Variants in H3Y1 observed in about 807,000 individuals in gnomAD.
H3Y1 encodes histone H3.Y.
A neutral mutation model predicts 0.5 loss-of-function variants in H3Y1; 1 was observed. The ratio of observed to expected loss-of-function variants is 2.08; its 90% CI spans 0.74 to 9.87. H3Y1 has a LOEUF of 9.87. H3Y1 is among the 30% of genes most tolerant of loss of function. H3Y1 has a pLI of 0.13. For synonymous variants in H3Y1, 9 were observed against 5.0 expected, an observed-to-expected ratio of 1.80 and a Z score of -1.07; for missense variants, 35 against 11.5, an observed-to-expected ratio of 3.05 and a Z score of -2.96.
chr5:17,655,382 T>G lies in H3Y1; in HGVS notation c.157A>C (p.Arg53=). The G allele has an allele frequency of 2.4e-6, 1 of 411,480 alleles. No homozygotes were observed. The highest frequency in any genetic ancestry group is 4.3e-6 in the Non-Finnish European group (1 of 231,588). 25.5% of individuals were successfully genotyped at this position (411,480 alleles called of 1,614,324 possible). A position where few individuals can be genotyped will look rare whatever the true frequency, so the allele number is the denominator to read the frequency against. The change falls in exon 1 of 1, where the codon AGA becomes CGA. Residue 53 remains arginine, a synonymous_variant. Transcript: ENST00000598383. ...KPGTLALREI[R]KYQKSTQLLL... Reference sequence around the variant, plus strand: ...AGCTGCGTGGACTTCTGGTACTTTCTGATTTCCCGCAGCGCCAGGGTGCCA... The same window carrying G: ...AGCTGCGTGGACTTCTGGTACTTTCGGATTTCCCGCAGCGCCAGGGTGCCA...
rs1332150814 is a variant in H3Y1, at chr5:17,655,325, C to T, written c.214G>A (p.Val72Met). 3 of 453,998 alleles carry T rather than the reference C, an allele frequency of 6.6e-6. No individual in the cohort carries two copies. Among genetic ancestry groups the T allele is most frequent in the Admixed American group, 4.1e-5 (1 of 24,202 alleles). The allele number at this position is 453,998 out of a possible 1,614,324, so 28.1% of individuals were successfully genotyped here. Residue 72 changes from valine to methionine, a missense_variant, in exon 1 of 1, where the codon GTG (valine) becomes ATG (methionine). Coordinates refer to ENST00000598383, the MANE Select transcript of H3Y1 (RefSeq NM_001355258.2). ...LLRKLPFQRLVREIAQAISPD... is the reference protein window; with the variant it reads ...LLRKLPFQRLMREIAQAISPD... Reference sequence around the variant, plus strand: ...CTGATGGCCTGGGCGATCTCGCGCACCAGGCGCTGGAAGGGCAGCTTGCGC... The same window carrying T: ...CTGATGGCCTGGGCGATCTCGCGCATCAGGCGCTGGAAGGGCAGCTTGCGC...
In H3Y1 at chr5:17,655,639, T is replaced by C. The variant is rs573570110; in HGVS notation, c.-101A>G. 5.0e-6 allele frequency: 2 copies of C among 399,060 alleles called. No homozygotes were observed. Among genetic ancestry groups the C allele is most frequent in the Non-Finnish European group, 8.8e-6 (2 of 226,912 alleles). 24.7% of individuals were successfully genotyped at this position (399,060 alleles called of 1,614,324 possible). On this transcript the variant is annotated 5_prime_UTR_variant, in exon 1 of 1. Transcript: ENST00000598383. ...GAGGGCAGTGGTGCTGTGGACAGGA[T>C]TCAGAGAGCCTGTGAGTTGAGATCC...
rs185604528 is a variant in H3Y1, at chr5:17,655,617, G to C, written c.-79C>G. 2.8e-3 allele frequency: 1,127 copies of C among 401,234 alleles called. 8 individuals carry two copies. The highest frequency in any genetic ancestry group is 3.8e-3 in the Non-Finnish European group (863 of 228,370). The allele number at this position is 401,234 out of a possible 1,614,324, so 24.9% of individuals were successfully genotyped here. On this transcript the variant is annotated 5_prime_UTR_variant, in exon 1 of 1. Transcript: ENST00000598383. ...GGCGGTGCTGGCGTCAGAGAGCGAG[G>C]GCAGTGGTGCTGTGGACAGGATTCA...
rs945198067 is a variant in H3Y1, at chr5:17,655,687, C to A, written c.-149G>T. 1 of 397,644 alleles carries A rather than the reference C, an allele frequency of 2.5e-6. No homozygotes were observed. The highest frequency in any genetic ancestry group is 4.4e-6 in the Non-Finnish European group (1 of 226,158). The allele number at this position is 397,644 out of a possible 1,614,324, so 24.6% of individuals were successfully genotyped here. ...TCCATGCGCATGACTCTCCCACACACTTAGCCCCTGCCAACCCAGCCCCAC... is the reference window on the plus strand; with the variant it reads ...TCCATGCGCATGACTCTCCCACACAATTAGCCCCTGCCAACCCAGCCCCAC... On this transcript the variant is annotated 5_prime_UTR_variant, in exon 1 of 1. Coordinates refer to ENST00000598383, the MANE Select transcript of H3Y1 (RefSeq NM_001355258.2).
Position 17,655,772 on chromosome 5 carries a change from C to A in H3Y1, c.-234G>T. 2.6e-6 allele frequency: 1 copy of A among 391,334 alleles called. No homozygotes were observed. The highest frequency in any genetic ancestry group is 4.5e-6 in the Non-Finnish European group (1 of 222,378). 24.2% of individuals were successfully genotyped at this position (391,334 alleles called of 1,614,324 possible). On this transcript the variant is annotated 5_prime_UTR_variant, in exon 1 of 1. Transcript: ENST00000598383. ...GCGCTGCTTAGTCTTTCCGGAGGGT[C>A]CTGGGTTTCCTTGGTCTACAAAGCA...
At position 17,655,639 on chromosome 5, in the gene H3Y1, T is replaced by G. The variant is rs573570110; in HGVS notation, c.-101A>C. The G allele has an allele frequency of 2.5e-6, 1 of 399,060 alleles. No individual in the cohort carries two copies. Among genetic ancestry groups the G allele is most frequent in the Non-Finnish European group, 4.4e-6 (1 of 226,912 alleles). 24.7% of individuals were successfully genotyped at this position (399,060 alleles called of 1,614,324 possible). On this transcript the variant is annotated 5_prime_UTR_variant, in exon 1 of 1. Coordinates refer to ENST00000598383, the MANE Select transcript of H3Y1 (RefSeq NM_001355258.2). ...GAGGGCAGTGGTGCTGTGGACAGGA[T>G]TCAGAGAGCCTGTGAGTTGAGATCC...
In H3Y1 at chr5:17,655,271, T is replaced by C. The variant is rs1360955502; in HGVS notation, c.268A>G (p.Ile90Val). The change falls in exon 1 of 1, where the codon ATT becomes GTT. Residue 90 changes from isoleucine to valine, a missense_variant. Physicochemically the swap from Ile to Val is conservative, Grantham distance 29. Transcript: ENST00000598383. ...TCGCTGGCCTCCTGCAGGGCGCCAA[T>C]GGCCGCACTCTGGAAGCGCAGGTCC... is the stretch of plus-strand genomic sequence containing the variant. ...SPDLRFQSAA[I>V]GALQEASEAY... 1.9e-5 allele frequency: 9 copies of C among 472,218 alleles called. No individual in the cohort carries two copies. The highest frequency in any genetic ancestry group is 3.4e-5 in the Non-Finnish European group (9 of 263,718). The allele number at this position is 472,218 out of a possible 1,614,324, so 29.3% of individuals were successfully genotyped here.
rs1740166681 is a variant in H3Y1 at position 17,655,172 on chromosome 5, G to A, written c.367C>T (p.Arg123Ter). 2 of 436,248 alleles carry A rather than the reference G, an allele frequency of 4.6e-6. No homozygotes were observed. The highest frequency in any genetic ancestry group is 7.0e-5 in the East Asian group (2 of 28,664). The allele number at this position is 436,248 out of a possible 1,614,324, so 27.0% of individuals were successfully genotyped here. A position where few individuals can be genotyped will look rare whatever the true frequency, so the allele number is the denominator to read the frequency against. ...AGGCGGCGGGCCAGCTGCATGTCTC[G>A]GGGCATAATTGTGACGCGCCTGGCA... is the stretch of plus-strand genomic sequence containing the variant. ...IHARRVTIMP[R>*]DMQLARRLRR... Residue 123 changes from arginine (R) to a stop codon, truncating the protein, a stop_gained, in exon 1 of 1, where the codon CGA becomes TGA. Transcript: ENST00000598383. LOFTEE classifies it high-confidence loss of function.
rs1203146764 is a variant in H3Y1, at chr5:17,655,101, A to G, written c.*27T>C. ...TGATTTCTGCCTGTTTCCACTCCCAATCCTATGCTTAGCTACCTTTGGGCT... is the reference window on the plus strand; with the variant it reads ...TGATTTCTGCCTGTTTCCACTCCCAGTCCTATGCTTAGCTACCTTTGGGCT... On this transcript the variant is annotated 3_prime_UTR_variant, in exon 1 of 1. Coordinates refer to ENST00000598383, the MANE Select transcript of H3Y1 (RefSeq NM_001355258.2). 2 of 404,006 alleles carry G rather than the reference A, an allele frequency of 5.0e-6. No homozygotes were observed. Among genetic ancestry groups the G allele is most frequent in the South Asian group, 1.2e-4 (1 of 8,638 alleles). 25.0% of individuals were successfully genotyped at this position (404,006 alleles called of 1,614,324 possible). A position where few individuals can be genotyped will look rare whatever the true frequency, so the allele number is the denominator to read the frequency against.
At position 17,655,347 on chromosome 5, in the gene H3Y1, G is replaced by C. The variant is rs532961670; in HGVS notation, c.192C>G (p.Arg64=). 598 of 438,502 alleles carry C rather than the reference G, an allele frequency of 1.4e-3. 13 individuals carry two copies. Among genetic ancestry groups the C allele is most frequent in the African/African-American group, 0.011 (537 of 49,050 alleles). 27.2% of individuals were successfully genotyped at this position (438,502 alleles called of 1,614,324 possible). A position where few individuals can be genotyped will look rare whatever the true frequency, so the allele number is the denominator to read the frequency against. ...KYQKSTQLLL[R]KLPFQRLVRE... The stretch of plus-strand genomic sequence containing the variant: ...GCACCAGGCGCTGGAAGGGCAGCTT[G>C]CGCAGGAGCAGCTGCGTGGACTTCT... Residue 64 remains arginine, a synonymous_variant, in exon 1 of 1, where the codon CGC becomes CGG. Transcript: ENST00000598383.
rs1740177275 is a variant in H3Y1 at position 17,655,583 on chromosome 5, C to T, written c.-45G>A. The T allele has an allele frequency of 2.5e-6, 1 of 400,818 alleles. No homozygotes were observed. The highest frequency in any genetic ancestry group is 3.6e-5 in the East Asian group (1 of 28,076). 24.8% of individuals were successfully genotyped at this position (400,818 alleles called of 1,614,324 possible). ...TCCCCTGTCCTTGGGCTGAGCCTGG[C>T]CGGCTGCAGGCGGTGCTGGCGTCAG... On this transcript the variant is annotated 5_prime_UTR_variant, in exon 1 of 1. Transcript: ENST00000598383.
In H3Y1 at chr5:17,655,269, A is replaced by G. The variant is rs1469526800; in HGVS notation, c.270T>C (p.Ile90=). 8 of 471,782 alleles carry G rather than the reference A, an allele frequency of 1.7e-5. No individual in the cohort carries two copies. The South Asian group carries it at 1.8e-4, about 11-fold the overall frequency. 29.2% of individuals were successfully genotyped at this position (471,782 alleles called of 1,614,324 possible). A position where few individuals can be genotyped will look rare whatever the true frequency, so the allele number is the denominator to read the frequency against. ...SPDLRFQSAA[I]GALQEASEAY... Reference sequence around the variant, plus strand: ...CCTCGCTGGCCTCCTGCAGGGCGCCAATGGCCGCACTCTGGAAGCGCAGGT... The same window carrying G: ...CCTCGCTGGCCTCCTGCAGGGCGCCGATGGCCGCACTCTGGAAGCGCAGGT... The change falls in exon 1 of 1, where the codon ATT becomes ATC. Residue 90 remains isoleucine (I), a synonymous_variant. Transcript: ENST00000598383.
chr5:17,655,248 G>C lies in H3Y1; in HGVS notation c.291C>G (p.Ser97Arg). Residue 97 changes from serine (S) to arginine (R), a missense_variant, in exon 1 of 1, where the codon AGC becomes AGG. By Grantham distance (110) the Ser-to-Arg change is moderately radical (BLOSUM62 -1). Transcript: ENST00000598383. ...SAAIGALQEA[S>R]EAYLVQLFED... ...CAAAGAGCTGCACCAGGTAGGCCTC[G>C]CTGGCCTCCTGCAGGGCGCCAATGG... 2.1e-6 allele frequency: 1 copy of C among 469,214 alleles called. No individual in the cohort carries two copies. Among genetic ancestry groups the C allele is most frequent in the Non-Finnish European group, 3.8e-6 (1 of 262,006 alleles). 29.1% of individuals were successfully genotyped at this position (469,214 alleles called of 1,614,324 possible).
Position 17,654,874 on chromosome 5 carries a change from T to C in H3Y1, c.*254A>G, listed in dbSNP as rs1740162091. ...TTAAACAAACATCACTGAGTTGCCA[T>C]CAGGAAGAGATTTATTTGGTTTGAA... On this transcript the variant is annotated 3_prime_UTR_variant, in exon 1 of 1. Transcript: ENST00000598383. 3.0e-6 allele frequency: 1 copy of C among 332,508 alleles called. No homozygotes were observed. The highest frequency in any genetic ancestry group is 4.6e-5 in the East Asian group (1 of 21,562). 20.6% of individuals were successfully genotyped at this position (332,508 alleles called of 1,614,324 possible).
chr5:17,655,099 C>T lies in H3Y1; in HGVS notation c.*29G>A, dbSNP rs1740165436. 2.5e-6 allele frequency: 1 copy of T among 403,302 alleles called. No individual in the cohort carries two copies. Among genetic ancestry groups the T allele is most frequent in the African/African-American group, 2.1e-5 (1 of 48,486 alleles). The allele number at this position is 403,302 out of a possible 1,614,324, so 25.0% of individuals were successfully genotyped here. On this transcript the variant is annotated 3_prime_UTR_variant, in exon 1 of 1. Transcript: ENST00000598383. ...CCTGATTTCTGCCTGTTTCCACTCC[C>T]AATCCTATGCTTAGCTACCTTTGGG...
rs1202002603 is a variant in H3Y1, at chr5:17,655,689, T to C, written c.-151A>G. 1.8e-5 allele frequency: 7 copies of C among 397,398 alleles called. No homozygotes were observed. Among genetic ancestry groups the C allele is most frequent in the Non-Finnish European group, 2.2e-5 (5 of 226,092 alleles). The allele number at this position is 397,398 out of a possible 1,614,324, so 24.6% of individuals were successfully genotyped here. ...CATGCGCATGACTCTCCCACACACT[T>C]AGCCCCTGCCAACCCAGCCCCACAC... On this transcript the variant is annotated 5_prime_UTR_variant, in exon 1 of 1. Coordinates refer to ENST00000598383, the MANE Select transcript of H3Y1 (RefSeq NM_001355258.2).
At position 17,655,562 on chromosome 5, in the gene H3Y1, C is replaced by A; in HGVS notation, c.-24G>T. ...ATGTCGCGGGGCCTTAGCCTCTCCC[C>A]TGTCCTTGGGCTGAGCCTGGCCGGC... is the stretch of plus-strand genomic sequence containing the variant. On this transcript the variant is annotated 5_prime_UTR_variant, in exon 1 of 1. The change creates a new upstream start codon in the 5' untranslated region. Transcript: ENST00000598383. 7.5e-6 allele frequency: 3 copies of A among 401,878 alleles called. No homozygotes were observed. Among genetic ancestry groups the A allele is most frequent in the Non-Finnish European group, 1.3e-5 (3 of 228,488 alleles). 24.9% of individuals were successfully genotyped at this position (401,878 alleles called of 1,614,324 possible). A position where few individuals can be genotyped will look rare whatever the true frequency, so the allele number is the denominator to read the frequency against.
Position 17,655,054 on chromosome 5 carries a change from A to G in H3Y1, c.*74T>C. Reference sequence around the variant, plus strand: ...AGATTAGACATTAACAAACAAAAGCACACAGAAACACCACCAAGACCTGAT... The same window carrying G: ...AGATTAGACATTAACAAACAAAAGCGCACAGAAACACCACCAAGACCTGAT... On this transcript the variant is annotated 3_prime_UTR_variant, in exon 1 of 1. Transcript: ENST00000598383. 7.5e-6 allele frequency: 3 copies of G among 400,680 alleles called. No individual in the cohort carries two copies. Among genetic ancestry groups the G allele is most frequent in the Non-Finnish European group, 8.8e-6 (2 of 227,530 alleles). 24.8% of individuals were successfully genotyped at this position (400,680 alleles called of 1,614,324 possible). A position where few individuals can be genotyped will look rare whatever the true frequency, so the allele number is the denominator to read the frequency against.
At position 17,655,057 on chromosome 5, in the gene H3Y1, C is replaced by T. The variant is rs1345260579; in HGVS notation, c.*71G>A. On this transcript the variant is annotated 3_prime_UTR_variant, in exon 1 of 1. Transcript: ENST00000598383. ...TTAGACATTAACAAACAAAAGCACA[C>T]AGAAACACCACCAAGACCTGATTTC... 1 of 400,448 alleles carries T rather than the reference C, an allele frequency of 2.5e-6. No homozygotes were observed. Among genetic ancestry groups the T allele is most frequent in the Non-Finnish European group, 4.4e-6 (1 of 227,412 alleles). The allele number at this position is 400,448 out of a possible 1,614,324, so 24.8% of individuals were successfully genotyped here. A position where few individuals can be genotyped will look rare whatever the true frequency, so the allele number is the denominator to read the frequency against.
Sources: allele counts gnomAD v4.1 joint callset, GRCh38; gene constraint gnomAD v4.1.1; transcripts MANE v1.5; gene names NCBI Gene and HGNC (gene_info 2026-07-23, HGNC 2026-07-21).